The following PSTPIP1 variants were observed in gnomAD, a reference collection of about 807,000 sequenced individuals.
PSTPIP1 encodes proline-serine-threonine phosphatase-interacting protein 1.
A neutral mutation model predicts 69.6 loss-of-function variants in PSTPIP1; 66 were observed. The ratio of observed to expected loss-of-function variants is 0.95; its 90% CI spans 0.78 to 1.16. PSTPIP1 has a LOEUF of 1.16. Among genes scored for constraint, PSTPIP1 ranks in the 50% most tolerant of loss-of-function variants. The pLI, the probability that PSTPIP1 is intolerant of heterozygous loss-of-function variation, is 0.00. For missense variants in PSTPIP1, 603 were observed against 557.4 expected, an observed-to-expected ratio of 1.08 and a Z score of -0.82; for synonymous variants, 266 against 222.7, an observed-to-expected ratio of 1.19 and a Z score of -1.73.
intron 1 of PSTPIP1, among the ~76,000 whole-genome samples, chr15:76,999,949 GAA>G (rs2075662088): frequency 6.6e-6 from 1 of 152,204 alleles, no homozygotes; most frequent in Non-Finnish European, 1.5e-5. Context: ...TAGTTAAAAG[GAA>G]AAGTAAGGAC....
chr15:77,000,628 T>G (rs1429998680), intron 1 of PSTPIP1, among the ~76,000 whole-genome samples: 1 of 152,162 alleles, frequency 6.6e-6, no homozygotes, highest in Non-Finnish European at 1.5e-5. Context: ...CTGCTAATAT[T>G]ATGCTGTGTT....
chr15:76,999,436 G>A (rs34370173), intron 1 of PSTPIP1: 57,757 of 151,960 alleles, frequency 0.38, 13,102 homozygotes, highest in Middle Eastern at 0.56. Context: ...GCGCCGCCAC[G>A]TCTGTCTAAT....
chr15:77,014,695 G>T (rs2076015134), intron 1 of PSTPIP1, among the ~76,000 whole-genome samples: 1 of 152,222 alleles, frequency 6.6e-6, no homozygotes. Flanking sequence ...CTCCACTCAA[G>T]CCGTGGGGGT....
chr15:76,996,900 G>A (rs1022550473), intron 1 of PSTPIP1, among the ~76,000 whole-genome samples: 1 of 152,150 alleles, frequency 6.6e-6, no homozygotes, highest in Admixed American at 6.5e-5. Context: ...CCACCTAGCT[G>A]CCCTGCCTTG....
chr15:77,017,513 C>T (rs1413997126), intron 1 of PSTPIP1, among the ~76,000 whole-genome samples: 1 of 152,202 alleles, frequency 6.6e-6, no homozygotes, highest in Non-Finnish European at 1.5e-5. Context: ...CCATGCCCAC[C>T]TCCCTGGATC....
intron 1 of PSTPIP1, among the ~76,000 whole-genome samples, chr15:77,003,048 G>C (rs1389311792): frequency 2.0e-5 from 3 of 152,196 alleles, no homozygotes; most frequent in African/African-American, 7.2e-5. Flanking sequence ...CTGGTAGGAA[G>C]GGAAGGCACG....
At chr15:77,010,873 T>G (rs1409150570) in intron 1 of PSTPIP1, among the ~76,000 whole-genome samples, 1 of 152,160 alleles carries the variant, frequency 6.6e-6, no homozygotes, top group Non-Finnish European at 1.5e-5. Context: ...CTCAAACTCC[T>G]GAGCTCAAGT....
chr15:76,994,841 A>G, upstream of PSTPIP1: 2 of 1,289,042 alleles, frequency 1.6e-6, no homozygotes, highest in Non-Finnish European at 2.0e-6. Flanking sequence ...ATGACTTGCT[A>G]GTGCGGGGTG....
intron 1 of PSTPIP1, among the ~76,000 whole-genome samples, chr15:77,015,608 C>T (rs2076031952): frequency 6.6e-6 from 1 of 152,124 alleles, no homozygotes; most frequent in South Asian, 2.1e-4. Context: ...GGGTGGCAGA[C>T]CCACATGACT....
upstream of PSTPIP1, chr15:76,995,104 C>T (rs1407574966): frequency 1.7e-6 from 2 of 1,176,866 alleles, no homozygotes; most frequent in African/African-American, 1.6e-5. Context: ...GGGCCCTGTG[C>T]CTGCCCCGGG....
rs374768418 is a variant in PSTPIP1, at chr15:77,035,765, C to T, written c.986-37C>T. 2.2e-6 allele frequency: 3 copies of T among 1,393,870 alleles called. No homozygotes were observed. In the South Asian group the frequency reaches 3.7e-5, roughly 17 times the overall value. The allele number at this position is 1,393,870 out of a possible 1,614,324, so 86.3% of individuals were successfully genotyped here. A position where few individuals can be genotyped will look rare whatever the true frequency, so the allele number is the denominator to read the frequency against. On this transcript the variant is annotated intron_variant, in intron 13 of 14. Transcript: ENST00000558012. The stretch of plus-strand genomic sequence containing the variant: ...TAGGACTTCCAGGGGCCAGTGTCCC[C>T]AGAAGGGGAGGGGTCTATGTCTCAC...
rs549993934 is a variant in PSTPIP1, at chr15:76,997,787, T to C, written c.36+2178T>C. ...GAACAATATTCTGAAGCTTCATTTG[T>C]AGACAAATCTGTAAAACAGAAAAGG... On this transcript the variant is annotated intron_variant, in intron 1 of 14. Coordinates refer to ENST00000558012, the MANE Select transcript of PSTPIP1 (RefSeq NM_003978.5). 2.0e-5 allele frequency among the ~76,000 whole-genome samples: 3 copies of C among 152,318 alleles called. No homozygotes were observed. In the East Asian group the frequency reaches 5.8e-4, roughly 29 times the overall value.
rs538846070 is a variant in PSTPIP1 at position 77,022,277 on chromosome 15, C to T, written c.213-3007C>T. ...GTGGGCACAGCCTCAGCACAGGGAG[C>T]CGAGAGGGCTACTCCTGTCAGCTGG... is the stretch of plus-strand genomic sequence containing the variant. On this transcript the variant is annotated intron_variant, in intron 3 of 14. Transcript: ENST00000558012. 5.9e-5 allele frequency among the ~76,000 whole-genome samples: 9 copies of T among 152,290 alleles called. No homozygotes were observed. In the South Asian group the frequency reaches 1.7e-3, roughly 28 times the overall value.
chr15:77,010,075 C>T (rs904913875), intron 1 of PSTPIP1, among the ~76,000 whole-genome samples: 1 of 152,160 alleles, frequency 6.6e-6, no homozygotes, highest in Non-Finnish European at 1.5e-5. Context: ...GGTGGCTCAG[C>T]TCCATCCTCC....
Position 77,029,581 on chromosome 15 carries a change from G to A in PSTPIP1, c.562+7G>A, listed in dbSNP as rs1252502955. On this transcript the variant is annotated splice_region_variant and intron_variant, in intron 8 of 14. Coordinates refer to ENST00000558012, the MANE Select transcript of PSTPIP1 (RefSeq NM_003978.5). ...GACTCGGCCACCGAGGCAGGTATGT[G>A]GGCCTGGCTGCCCCGTCCGACCAGG... 6.4e-7 allele frequency: 1 copy of A among 1,573,554 alleles called. No individual in the cohort carries two copies.
rs531734146 is a variant in PSTPIP1 at position 77,034,706 on chromosome 15, T to C, written c.930-802T>C. Among the ~76,000 whole-genome samples, 9 of 152,328 alleles carry C rather than the reference T, an allele frequency of 5.9e-5. No individual in the cohort carries two copies. In the South Asian group the frequency reaches 1.9e-3, roughly 32 times the overall value. Reference sequence around the variant, plus strand: ...TTCTCTCCTAGTAAAGCTTCACTCATCTTTGAAGACTCAGCCCCACCCCAC... The same window carrying C: ...TTCTCTCCTAGTAAAGCTTCACTCACCTTTGAAGACTCAGCCCCACCCCAC... On this transcript the variant is annotated intron_variant, in intron 12 of 14. Transcript: ENST00000558012.
At chr15:77,018,733 GA>G (rs1272437248) in intron 3 of PSTPIP1, among the ~76,000 whole-genome samples, 1 of 152,148 alleles carries the variant, frequency 6.6e-6, no homozygotes, top group Non-Finnish European at 1.5e-5. Context: ...CTGAGTTCTG[GA>G]AAGGGTCTGG....
At chr15:77,021,056 G>A (rs1178377239) in intron 3 of PSTPIP1, among the ~76,000 whole-genome samples, 1 of 152,170 alleles carries the variant, frequency 6.6e-6, no homozygotes, top group Non-Finnish European at 1.5e-5. Flanking sequence ...GCAGGGGACT[G>A]GGGGATGGGA....
At chr15:77,000,476 T>TATATACAC (rs1033258180) in intron 1 of PSTPIP1, among the ~76,000 whole-genome samples, 5 of 146,794 alleles carry the variant, frequency 3.4e-5, no homozygotes, top group African/African-American at 1.3e-4. Context: ...TATATATATA[T>TATATACAC]ACACACACAC....
Sources: gnomAD v4.1 joint callset for allele counts (sites outside exome capture counted in the v4.1 genomes callset) on GRCh38, gnomAD v4.1.1 for gene constraint, MANE v1.5 for transcripts, NCBI Gene and HGNC (gene_info 2026-07-23, HGNC 2026-07-21) for gene names.